Variants in ANK2 observed in about 807,000 individuals in gnomAD.
ANK2 encodes ankyrin-2.
A neutral mutation model predicts 360.5 loss-of-function variants in ANK2; 83 were observed. The observed-to-expected ratio is 0.23, with a 90% confidence interval of 0.19 to 0.28. The LOEUF (loss-of-function observed/expected upper bound fraction) is 0.28. ANK2 is among the 10% of genes least tolerant of loss of function. The pLI, the probability that ANK2 is intolerant of heterozygous loss-of-function variation, is 1.00. For synonymous variants in ANK2, 1,740 were observed against 1,759.5 expected (o/e 0.99, Z 0.28); for missense variants, 4,201 against 4,795.7 (o/e 0.88, Z 3.66).
intron 1 of ANK2, among the ~76,000 whole-genome samples, chr4:113,100,523 G>A (rs2092653245): frequency 6.6e-6 from 1 of 152,108 alleles, no homozygotes; most frequent in South Asian, 2.1e-4. Context: ...ATTCATTGAT[G>A]TTAAGAATGC....
intron 1 of ANK2, among the ~76,000 whole-genome samples, chr4:113,092,072 A>T (rs1332559634): frequency 6.6e-6 from 1 of 150,588 alleles, no homozygotes; most frequent in Non-Finnish European, 1.5e-5. Context: ...AAACAAAATC[A>T]TATATTTCCA....
chr4:113,026,244 G>T (rs1305055328), intron 2 of ANK2, among the ~76,000 whole-genome samples: 1 of 152,094 alleles, frequency 6.6e-6, no homozygotes, highest in African/African-American at 2.4e-5. Flanking sequence ...TGACAGACTG[G>T]AGTTTTCAGA....
At chr4:113,133,343 T>A (rs767121696) in intron 1 of ANK2, among the ~76,000 whole-genome samples, 2 of 152,192 alleles carry the variant, frequency 1.3e-5, no homozygotes, top group African/African-American at 4.8e-5. Context: ...GACTCTATAC[T>A]CGACTTTTTA....
intron 1 of ANK2, among the ~76,000 whole-genome samples, chr4:112,885,440 A>T (rs1237136143): frequency 1.3e-5 from 2 of 149,640 alleles, no homozygotes; most frequent in African/African-American, 5.0e-5. Flanking sequence ...CCGAGGTTGC[A>T]GTGAGCCGAG....
intron 2 of ANK2, among the ~76,000 whole-genome samples, chr4:113,177,520 G>A (rs2098263834): frequency 6.6e-6 from 1 of 152,132 alleles, no homozygotes; most frequent in African/African-American, 2.4e-5. Flanking sequence ...CACCAAAAAA[G>A]AGAACCTAAG....
intron 1 of ANK2, among the ~76,000 whole-genome samples, chr4:113,167,197 G>T (rs1297837503): frequency 6.6e-6 from 1 of 151,564 alleles, no homozygotes; most frequent in Non-Finnish European, 1.5e-5. Flanking sequence ...TTTGTAATCA[G>T]TTTATAAATT....
At chr4:112,742,394 C>CCA in the ANK2 span, among the ~76,000 whole-genome samples, 3 of 117,668 alleles carry the variant, frequency 2.5e-5, no homozygotes, top group Admixed American at 1.9e-4. Context: ...TCACTGAATT[C>CCA]TATGTGTGTG....
At chr4:112,809,965 A>T in the ANK2 span, among the ~76,000 whole-genome samples, 1 of 151,702 alleles carries the variant, frequency 6.6e-6, no homozygotes, top group Non-Finnish European at 1.5e-5. Flanking sequence ...ATAAATAGAG[A>T]GTATAACAAA....
At position 113,213,965 on chromosome 4, in the gene ANK2, T is replaced by A. The variant is rs1407140168; in HGVS notation, c.384+14856T>A. Reference sequence around the variant, plus strand: ...AATGCTGTTTTATTTATTTTTTTTTTTTATTTTTTTTTTAAGTACAATTTC... The same window carrying A: ...AATGCTGTTTTATTTATTTTTTTTTATTATTTTTTTTTTAAGTACAATTTC... On this transcript the variant is annotated intron_variant, in intron 4 of 45. Transcript: ENST00000357077. 238 of 488,408 alleles carry A rather than the reference T, an allele frequency of 4.9e-4. 24 individuals are homozygous for A. Among genetic ancestry groups the A allele is most frequent in the African/African-American group, 2.2e-3 (32 of 14,482 alleles). The allele number at this position is 488,408 out of a possible 1,614,324, so 30.3% of individuals were successfully genotyped here. A position where few individuals can be genotyped will look rare whatever the true frequency, so the allele number is the denominator to read the frequency against.
At chr4:113,340,048 A>T (rs887027761) in intron 32 of ANK2, among the ~76,000 whole-genome samples, 1 of 152,138 alleles carries the variant, frequency 6.6e-6, no homozygotes. Flanking sequence ...GCATAGCAAT[A>T]GTTGGGTGTG....
At chr4:113,143,699 G>A (rs560171548) in intron 1 of ANK2, among the ~76,000 whole-genome samples, 4 of 152,256 alleles carry the variant, frequency 2.6e-5, no homozygotes, top group African/African-American at 9.6e-5. Context: ...GAAGAAGCAC[G>A]TATTATAAGA....
intron 9 of ANK2, among the ~76,000 whole-genome samples, chr4:113,248,566 C>T (rs2044292852): frequency 6.6e-6 from 1 of 151,968 alleles, no homozygotes; most frequent in South Asian, 2.1e-4. Flanking sequence ...GGACACAGAG[C>T]AGGGAGGAGA....
the ANK2 span, among the ~76,000 whole-genome samples, chr4:112,760,899 C>T: frequency 6.6e-6 from 1 of 151,362 alleles, no homozygotes; most frequent in Non-Finnish European, 1.5e-5. Context: ...CTCCACCTCC[C>T]AGGTTCAAGC....
rs1056381438 is a variant in ANK2 at position 113,333,174 on chromosome 4, T to C, written c.3345T>C (p.Asp1115=). 1.2e-6 allele frequency: 2 copies of C among 1,614,228 alleles called. No individual in the cohort carries two copies. The change falls in exon 29 of 46, where the codon GAT becomes GAC. Residue 1115 remains aspartate, a synonymous_variant. Coordinates refer to ENST00000357077, the MANE Select transcript of ANK2 (RefSeq NM_001148.6). Reference sequence around the variant, plus strand: ...AGCATTTCTGTGACTACACTGAAGATGAATTGAATGAAATTCTTAACGGCA... The same window carrying C: ...AGCATTTCTGTGACTACACTGAAGACGAATTGAATGAAATTCTTAACGGCA... ...WKEHFCDYTE[D]ELNEILNGMD...
chr4:112,764,766 G>A, the ANK2 span, among the ~76,000 whole-genome samples: 1 of 146,696 alleles, frequency 6.8e-6, no homozygotes, highest in Non-Finnish European at 1.5e-5. Context: ...GGAGTGCAAT[G>A]GTACGATCTC....
intron 2 of ANK2, among the ~76,000 whole-genome samples, chr4:113,016,669 A>G (rs764540046): frequency 2.0e-5 from 3 of 152,188 alleles, no homozygotes; most frequent in Non-Finnish European, 4.4e-5. Context: ...CCTTTTTTAA[A>G]GAGCTACCTT....
At chr4:113,288,529 G>C (rs779695464) in intron 20 of ANK2, 43 bp downstream of exon 20, 11 of 1,547,848 alleles carry the variant, frequency 7.1e-6, no homozygotes, top group Admixed American at 1.7e-5. Flanking sequence ...AAGCAAAAAG[G>C]TTCAGCCATC....
intron 1 of ANK2, among the ~76,000 whole-genome samples, chr4:113,083,591 A>C (rs867685818): frequency 6.6e-6 from 1 of 152,230 alleles, no homozygotes; most frequent in South Asian, 2.1e-4. Context: ...AGTGAGAGAG[A>C]GGGGTTACTA....
At chr4:112,822,238 T>TAAAAAA (rs1211981767) in intron 1 of ANK2, among the ~76,000 whole-genome samples, 5 of 88,504 alleles carry the variant, frequency 5.6e-5, no homozygotes, top group Non-Finnish European at 7.5e-5. Context: ...CTGTCTCTAC[T>TAAAAAA]AAAAAAAAAA....
Sources: gnomAD v4.1 joint callset for allele counts (sites outside exome capture counted in the v4.1 genomes callset) on GRCh38, gnomAD v4.1.1 for gene constraint, MANE v1.5 for transcripts, NCBI Gene and HGNC (gene_info 2026-07-23, HGNC 2026-07-21) for gene names.